The following CSF2RA variants were observed in gnomAD, a reference collection of about 807,000 sequenced individuals.
CSF2RA encodes colony stimulating factor 2 receptor subunit alpha.
Under a neutral mutation model 51.6 loss-of-function variants are expected in CSF2RA, and 42 were observed. The observed-to-expected ratio is 0.81, with a 90% CI of 0.64 to 1.05. The LOEUF (loss-of-function observed/expected upper bound fraction) is 1.05, where lower values mean the gene tolerates loss of function less well. Among genes scored for constraint, CSF2RA ranks in the 50% least tolerant of loss-of-function variants. The pLI is 0.00. For missense variants in CSF2RA, 530 were observed against 501.1 expected (o/e 1.06, Z -0.55); for synonymous variants, 222 against 193.0 (o/e 1.15, Z -1.24).
chrX:1,308,085 T>G (rs1215920801), intron 12 of CSF2RA, among the ~76,000 whole-genome samples: 1 of 151,888 alleles, frequency 6.6e-6, no homozygotes, highest in Admixed American at 6.6e-5. Flanking sequence ...CCTTTAGACC[T>G]TTGACTGATT....
At chrX:1,306,476 G>A (rs1444152798) in intron 12 of CSF2RA, among the ~76,000 whole-genome samples, 3 of 151,780 alleles carry the variant, frequency 2.0e-5, no homozygotes, top group East Asian at 3.9e-4. Flanking sequence ...AAGAAACCTC[G>A]TCTCTACTAA....
intron 12 of CSF2RA, among the ~76,000 whole-genome samples, chrX:1,306,348 A>T (rs1412337594): frequency 6.6e-6 from 1 of 151,812 alleles, no homozygotes; most frequent in Non-Finnish European, 1.5e-5. Context: ...AACAACAAAC[A>T]TAAAGACCCA....
intron 12 of CSF2RA, among the ~76,000 whole-genome samples, chrX:1,307,834 C>CTTT (rs1169564295): frequency 1.1e-5 from 1 of 91,784 alleles, no homozygotes; most frequent in Middle Eastern, 6.0e-3. Context: ...ACCCTTCTCC[C>CTTT]TTTAGACCTT....
chrX:1,300,643 G>C lies in CSF2RA; in HGVS notation c.946+17G>C. On this transcript the variant is annotated intron_variant, in intron 10 of 12. Coordinates refer to ENST00000381529, the MANE Select transcript of CSF2RA (RefSeq NM_172245.4). ...TTGAATTTGGTAAGCGTTGGGCGGA[G>C]GTAAGGGATGTTTGTGCCGTCTGCG... 1 of 1,613,890 alleles carries C rather than the reference G, an allele frequency of 6.2e-7. No individual in the cohort carries two copies. Among genetic ancestry groups the C allele is most frequent in the Non-Finnish European group, 8.5e-7 (1 of 1,179,856 alleles).
At chrX:1,314,264 A>T (rs866044918), downstream of CSF2RA, among the ~76,000 whole-genome samples, 304 of 83,538 alleles carry the variant, frequency 3.6e-3, 5 homozygotes, top group African/African-American at 0.012. Flanking sequence ...GCCCAACCCC[A>T]CTGCGCCTGC....
chrX:1,280,970 C>G (rs1278024441), intron 2 of CSF2RA, among the ~76,000 whole-genome samples: 15 of 130,938 alleles, frequency 1.1e-4, no homozygotes, highest in African/African-American at 3.5e-4. Flanking sequence ...TCCTTCTCCT[C>G]CTCCTGCTTC....
chrX:1,305,396 C>A, intron 11 of CSF2RA, 50 bp from the exon 12 acceptor site: 1 of 1,605,210 alleles, frequency 6.2e-7, no homozygotes, highest in Non-Finnish European at 8.5e-7. Context: ...ATGGAAGGAA[C>A]TCTGGTGACC....
At chrX:1,318,904 A>C in the CSF2RA span, among the ~76,000 whole-genome samples, 1 of 134,526 alleles carries the variant, frequency 7.4e-6, no homozygotes, top group African/African-American at 2.8e-5. Context: ...GTTACAGAGC[A>C]AGACTCCATC....
At chrX:1,274,394 C>T (rs1196638271) in intron 1 of CSF2RA, among the ~76,000 whole-genome samples, 1 of 151,162 alleles carries the variant, frequency 6.6e-6, no homozygotes, top group Admixed American at 6.6e-5. Context: ...TCTCAGCTCA[C>T]TATCACTGTA....
intron 9 of CSF2RA, among the ~76,000 whole-genome samples, chrX:1,296,318 C>T (rs1402948243): frequency 6.9e-6 from 1 of 144,058 alleles, no homozygotes; most frequent in Non-Finnish European, 1.5e-5. Flanking sequence ...TACTCACGAC[C>T]CCTACACTCT....
intron 12 of CSF2RA, among the ~76,000 whole-genome samples, chrX:1,308,189 C>G (rs34598441): frequency 6.6e-6 from 1 of 151,962 alleles, no homozygotes; most frequent in Admixed American, 6.6e-5. Flanking sequence ...TCGTAGCAGC[C>G]GCTGAGTCAT....
At chrX:1,289,525 T>A (rs1253077156) in intron 6 of CSF2RA, among the ~76,000 whole-genome samples, 1 of 151,872 alleles carries the variant, frequency 6.6e-6, no homozygotes, top group Non-Finnish European at 1.5e-5. Flanking sequence ...TTGTTTTGTG[T>A]TTCTGTGTTT....
chrX:1,316,009 T>C, the CSF2RA span, among the ~76,000 whole-genome samples: 1 of 115,708 alleles, frequency 8.6e-6, no homozygotes, highest in African/African-American at 3.2e-5. Context: ...GACAGATAGA[T>C]AGATATATAG....
intron 1 of CSF2RA, 134 bp from the exon 2 acceptor site, chrX:1,274,616 CGCCCA>C: frequency 3.3e-6 from 1 of 304,814 alleles, no homozygotes; most frequent in South Asian, 1.8e-5. Flanking sequence ...TGAGCCATGG[CGCCCA>C]GCCCTGGTAT....
At chrX:1,315,712 A>G in the CSF2RA span, among the ~76,000 whole-genome samples, 2 of 152,092 alleles carry the variant, frequency 1.3e-5, no homozygotes, top group African/African-American at 4.8e-5. Context: ...GCCATAATGG[A>G]TGAATTTTAG....
chrX:1,306,578 C>T (rs139837811), intron 12 of CSF2RA, among the ~76,000 whole-genome samples: 2,561 of 151,812 alleles, frequency 0.017, 67 homozygotes, highest in African/African-American at 0.058. Flanking sequence ...ACCCAGGAGG[C>T]GGAGGCTGCA....
intron 3 of CSF2RA, 160 bp from the exon 4 acceptor site, chrX:1,285,618 C>G: frequency 1.3e-6 from 1 of 769,490 alleles, no homozygotes; most frequent in South Asian, 1.8e-5. Context: ...TCATTTGAAC[C>G]CGGGTGGTGG....
chrX:1,280,431 A>G (rs1371283592), intron 2 of CSF2RA, among the ~76,000 whole-genome samples: 3 of 149,468 alleles, frequency 2.0e-5, no homozygotes, highest in Non-Finnish European at 4.4e-5. Context: ...AGATTGCACC[A>G]CTGCACTCCA....
intron 7 of CSF2RA, among the ~76,000 whole-genome samples, chrX:1,291,287 T>G (rs1166032338): frequency 8.0e-6 from 1 of 125,030 alleles, no homozygotes; most frequent in East Asian, 2.2e-4. Context: ...TTTTTCTTCC[T>G]TCCTTCCTTC....
Sources: allele counts gnomAD v4.1 joint callset (sites outside exome capture counted in the v4.1 genomes callset), GRCh38; gene constraint gnomAD v4.1.1; transcripts MANE v1.5; gene names NCBI Gene and HGNC (gene_info 2026-07-23, HGNC 2026-07-21).